The following PCDH15 variants were observed in gnomAD, a reference collection of about 807,000 sequenced individuals.
PCDH15 encodes protocadherin related 15.
In PCDH15, 129 loss-of-function variants were observed where a neutral mutation model predicts 178.5. The ratio of observed to expected loss-of-function variants is 0.72; its 90% CI spans 0.63 to 0.84. PCDH15 has a LOEUF of 0.84. PCDH15 is among the 40% of genes least tolerant of loss of function. The pLI is 0.00. For missense variants in PCDH15, 2,230 were observed against 2,099.9 expected (o/e 1.06, Z -1.21); for synonymous variants, 800 against 732.0 (o/e 1.09, Z -1.50).
chr10:54,314,851 C>T (rs11004219), intron 8 of PCDH15, among the ~76,000 whole-genome samples: 68,530 of 151,890 alleles, frequency 0.45, 16,167 homozygotes, highest in Middle Eastern at 0.6. Flanking sequence ...TCTATGTTCC[C>T]GCAAAAGACA....
At chr10:54,448,710 A>G (rs773175593) in intron 3 of PCDH15, among the ~76,000 whole-genome samples, 3 of 151,804 alleles carry the variant, frequency 2.0e-5, no homozygotes, top group South Asian at 2.1e-4. Flanking sequence ...ATCCTCTATA[A>G]TCTTCAAAGG....
intron 2 of PCDH15, among the ~76,000 whole-genome samples, chr10:55,464,644 ATATATATATATG>A (rs879550758): frequency 0.18 from 4,015 of 22,200 alleles, 98 homozygotes; most frequent in East Asian, 0.48. Context: ...ATATATATAT[ATATATATATATG>A]TGTGTGTGTG....
intron 13 of PCDH15, among the ~76,000 whole-genome samples, chr10:54,170,082 C>A (rs2133600232): frequency 7.4e-6 from 1 of 135,390 alleles, no homozygotes; most frequent in East Asian, 2.0e-4. Context: ...CCCTGACACC[C>A]ATCAAGCTCA....
chr10:54,491,933 A>C (rs2079634133), intron 3 of PCDH15, among the ~76,000 whole-genome samples: 1 of 152,178 alleles, frequency 6.6e-6, no homozygotes, highest in African/African-American at 2.4e-5. Flanking sequence ...CTGTTTGGAA[A>C]GGTTAGTTAC....
intron 8 of PCDH15, among the ~76,000 whole-genome samples, chr10:54,245,296 A>G (rs538613795): frequency 1.3e-5 from 2 of 152,330 alleles, no homozygotes; most frequent in African/African-American, 4.8e-5. Context: ...AAAGTAATGT[A>G]CAGTTTTCCC....
chr10:54,489,748 A>G (rs1043756901), intron 3 of PCDH15, among the ~76,000 whole-genome samples: 1 of 152,126 alleles, frequency 6.6e-6, no homozygotes, highest in Non-Finnish European at 1.5e-5. Flanking sequence ...CTAAATATAT[A>G]TTATACCTTA....
intron 2 of PCDH15, among the ~76,000 whole-genome samples, chr10:55,497,025 G>C (rs900017227): frequency 6.6e-6 from 1 of 151,648 alleles, no homozygotes. Flanking sequence ...ATTTTTAATG[G>C]GAAAGTGTTC....
intron 2 of PCDH15, among the ~76,000 whole-genome samples, chr10:55,367,743 G>A (rs961877939): frequency 6.6e-6 from 1 of 152,116 alleles, no homozygotes; most frequent in African/African-American, 2.4e-5. Flanking sequence ...CCTTATTTGG[G>A]CTGGATCCAG....
intron 2 of PCDH15, among the ~76,000 whole-genome samples, chr10:54,942,530 G>A: frequency 6.6e-6 from 1 of 151,868 alleles, no homozygotes; most frequent in East Asian, 1.9e-4. Flanking sequence ...TTTATGTAAT[G>A]TAATGCTTTG....
At chr10:54,351,880 C>T (rs369507235) in intron 5 of PCDH15, among the ~76,000 whole-genome samples, 3 of 152,232 alleles carry the variant, frequency 2.0e-5, no homozygotes, top group African/African-American at 7.2e-5. Flanking sequence ...TAAACTATAA[C>T]CATAATAGGA....
chr10:55,040,967 G>C (rs1484544119), intron 2 of PCDH15, among the ~76,000 whole-genome samples: 6 of 151,798 alleles, frequency 4.0e-5, no homozygotes, highest in African/African-American at 1.5e-4. Flanking sequence ...AAGAACAAAT[G>C]GCAGTAGATT....
intron 8 of PCDH15, among the ~76,000 whole-genome samples, chr10:54,308,443 G>T (rs185984923): frequency 6.6e-6 from 1 of 151,120 alleles, no homozygotes; most frequent in South Asian, 2.1e-4. Context: ...TCTTTTTTTT[G>T]CCTCCTTAAT....
chr10:54,025,449 C>A (rs1235670076), intron 18 of PCDH15, among the ~76,000 whole-genome samples: 1 of 151,750 alleles, frequency 6.6e-6, no homozygotes, highest in African/African-American at 2.4e-5. Flanking sequence ...GAGGACCAAT[C>A]CCGGTTGCTA....
chr10:54,305,255 C>T (rs1039192206), intron 8 of PCDH15, among the ~76,000 whole-genome samples: 1 of 151,954 alleles, frequency 6.6e-6, no homozygotes, highest in African/African-American at 2.4e-5. Context: ...GAATATGTAA[C>T]ATAAATTTAG....
chr10:55,594,144 G>A (rs924617337), intron 2 of PCDH15, among the ~76,000 whole-genome samples: 13 of 151,924 alleles, frequency 8.6e-5, no homozygotes, highest in Middle Eastern at 6.8e-3. Context: ...ATAATAATGA[G>A]CAAATTTATG....
chr10:54,824,303 A>T (rs1195052395), intron 3 of PCDH15, among the ~76,000 whole-genome samples: 3 of 152,168 alleles, frequency 2.0e-5, no homozygotes, highest in Non-Finnish European at 4.4e-5. Flanking sequence ...AATGAGCAGG[A>T]AGCCAGAAGT....
At chr10:54,603,627 G>A (rs1206870167) in intron 2 of PCDH15, among the ~76,000 whole-genome samples, 2 of 151,932 alleles carry the variant, frequency 1.3e-5, no homozygotes, top group East Asian at 3.9e-4. Context: ...TATAGGTAAG[G>A]AGAATTGAAG....
intron 2 of PCDH15, among the ~76,000 whole-genome samples, chr10:55,512,513 G>C (rs7913267): frequency 0.42 from 63,313 of 151,562 alleles, 13,902 homozygotes; most frequent in East Asian, 0.81. Context: ...ATCTCTCTTT[G>C]CCTAGGTCAA....
At chr10:54,877,600 A>G (rs1379961953) in intron 3 of PCDH15, among the ~76,000 whole-genome samples, 2 of 152,190 alleles carry the variant, frequency 1.3e-5, no homozygotes, top group Non-Finnish European at 2.9e-5. Flanking sequence ...ATAACATATT[A>G]GTACTTATTA....
Sources: gnomAD v4.1 joint callset for allele counts (sites outside exome capture counted in the v4.1 genomes callset) on GRCh38, gnomAD v4.1.1 for gene constraint, MANE v1.5 for transcripts, NCBI Gene and HGNC (gene_info 2026-07-23, HGNC 2026-07-21) for gene names.